The following ST8SIA1 variants were observed in gnomAD, a reference collection of about 807,000 sequenced individuals.
ST8SIA1 encodes the protein alpha-N-acetylneuraminide alpha-2,8-sialyltransferase.
Under a neutral mutation model 35.9 loss-of-function variants are expected in ST8SIA1, and 16 were observed. The observed-to-expected ratio is 0.45, with a 90% CI of 0.30 to 0.68. ST8SIA1 has a LOEUF of 0.68. Among genes scored for constraint, ST8SIA1 ranks in the 30% least tolerant of loss-of-function variants. The pLI is 0.09. For synonymous variants in ST8SIA1, 170 were observed against 169.6 expected (o/e 1.00, Z -0.02); for missense variants, 383 against 453.6 (o/e 0.84, Z 1.41).
intron 4 of ST8SIA1, among the ~76,000 whole-genome samples, chr12:22,235,600 T>C (rs913243116): frequency 6.6e-6 from 1 of 152,174 alleles, no homozygotes; most frequent in African/African-American, 2.4e-5. Flanking sequence ...TTGGCATATA[T>C]GGAATTGGTA....
At chr12:22,312,142 C>T (rs559730840) in intron 1 of ST8SIA1, among the ~76,000 whole-genome samples, 2 of 152,252 alleles carry the variant, frequency 1.3e-5, no homozygotes, top group East Asian at 3.9e-4. Flanking sequence ...CCTCCCTCTC[C>T]TCTAAATAAA....
chr12:22,320,949 GAAAGAAAGAGAAAGAAAGAAAGAAAGAA>G lies in ST8SIA1; in HGVS notation c.236+13020_236+13047del, dbSNP rs1186008825. Among the ~76,000 whole-genome samples, 6 of 73,768 alleles carry G rather than the reference GAAAGAAAGAGAAAGAAAGAAAGAAAGAA, an allele frequency of 8.1e-5. No individual in the cohort carries two copies. The South Asian group carries it at 2.0e-3, about 25-fold the overall frequency. 48.4% of individuals were successfully genotyped at this position (73,768 alleles called of 152,430 possible). A position where few individuals can be genotyped will look rare whatever the true frequency, so the allele number is the denominator to read the frequency against. ...AGGAAGAAAGAAAGAAAGAAAGAAA[GAAAGAAAGAGAAAGAAAGAAAGAAAGAA>G]AGAAAGAAAGAAAGAAAGAAAGAAA... is the stretch of plus-strand genomic sequence containing the variant. On this transcript the variant is annotated intron_variant, in intron 1 of 4. Coordinates refer to ENST00000396037, the MANE Select transcript of ST8SIA1 (RefSeq NM_003034.4).
chr12:22,223,470 T>C, intron 4 of ST8SIA1: 1 of 981,906 alleles, frequency 1.0e-6, no homozygotes. Flanking sequence ...GACTTCTTTA[T>C]AGCCGGGATT....
chr12:22,307,924 C>T (rs1018788718), intron 1 of ST8SIA1, among the ~76,000 whole-genome samples: 4 of 151,952 alleles, frequency 2.6e-5, no homozygotes, highest in African/African-American at 4.8e-5. Flanking sequence ...TTAAAACATA[C>T]GTGTATAAAA....
intron 1 of ST8SIA1, among the ~76,000 whole-genome samples, chr12:22,330,302 G>A (rs926959363): frequency 2.0e-5 from 3 of 152,138 alleles, no homozygotes; most frequent in African/African-American, 7.2e-5. Context: ...TAACAATCAC[G>A]TATTAAACAG....
chr12:22,278,081 A>G (rs1007763064), intron 2 of ST8SIA1, among the ~76,000 whole-genome samples: 1 of 152,174 alleles, frequency 6.6e-6, no homozygotes, highest in Non-Finnish European at 1.5e-5. Context: ...TCGAACACTT[A>G]TTTTACTTAC....
At chr12:22,325,923 T>G in intron 1 of ST8SIA1, 2 of 693,902 alleles carry the variant, frequency 2.9e-6, no homozygotes, top group Non-Finnish European at 5.2e-6. Flanking sequence ...GTGTCAACAG[T>G]GTGGAGACGC....
At chr12:22,249,792 A>T (rs1865648830) in intron 3 of ST8SIA1, among the ~76,000 whole-genome samples, 1 of 152,198 alleles carries the variant, frequency 6.6e-6, no homozygotes, top group Non-Finnish European at 1.5e-5. Flanking sequence ...ACAGTGTGAT[A>T]CACTAGAGGA....
chr12:22,297,820 T>C (rs1866265144), intron 1 of ST8SIA1, among the ~76,000 whole-genome samples: 1 of 152,136 alleles, frequency 6.6e-6, no homozygotes, highest in Non-Finnish European at 1.5e-5. Flanking sequence ...TCAAAAATGA[T>C]GTCTTTTTGT....
chr12:22,220,745 C>T (rs970223485), intron 4 of ST8SIA1, among the ~76,000 whole-genome samples: 1 of 152,302 alleles, frequency 6.6e-6, no homozygotes. Flanking sequence ...AGGATCCTCA[C>T]GGAAATAGTA....
chr12:22,198,567 A>ACACACACACACC lies in ST8SIA1; in HGVS notation c.*2984_*2985insGGTGTGTGTGTG. On this transcript the variant is annotated 3_prime_UTR_variant, in exon 5 of 5. Coordinates refer to ENST00000396037, the MANE Select transcript of ST8SIA1 (RefSeq NM_003034.4). ...CACACACACACACACACACACACACACTCCTATCTAACCAATTATGTCCAA... is the reference window on the plus strand; with the variant it reads ...CACACACACACACACACACACACACACACACACACACCCTCCTATCTAACCAATTATGTCCAA... The ACACACACACACC allele has an allele frequency of 7.0e-6, 1 of 143,328 alleles. No individual in the cohort carries two copies. Among genetic ancestry groups the ACACACACACACC allele is most frequent in the Non-Finnish European group, 1.5e-5 (1 of 65,330 alleles). 8.9% of individuals were successfully genotyped at this position (143,328 alleles called of 1,614,324 possible).
chr12:22,195,904 T>G lies in ST8SIA1; in HGVS notation c.*5648A>C, dbSNP rs1209904339. The G allele has an allele frequency of 6.6e-6, 1 of 152,248 alleles. No individual in the cohort carries two copies. The highest frequency in any genetic ancestry group is 1.5e-5 in the Non-Finnish European group (1 of 68,044). The allele number at this position is 152,248 out of a possible 1,614,324, so 9.4% of individuals were successfully genotyped here. On this transcript the variant is annotated 3_prime_UTR_variant, in exon 5 of 5. Transcript: ENST00000396037. The stretch of plus-strand genomic sequence containing the variant: ...CACATCTCTTAGATGTTTATTGGTG[T>G]TGTGTGAAGCATACATTTTAAAAAT...
chr12:22,296,150 A>T (rs1208191189), intron 1 of ST8SIA1, among the ~76,000 whole-genome samples: 1 of 152,182 alleles, frequency 6.6e-6, no homozygotes, highest in African/African-American at 2.4e-5. Flanking sequence ...GTATGCTGAA[A>T]GGCCATCAAG....
chr12:22,246,380 A>G (rs1206601371), intron 4 of ST8SIA1, among the ~76,000 whole-genome samples: 2 of 152,210 alleles, frequency 1.3e-5, no homozygotes, highest in Non-Finnish European at 2.9e-5. Context: ...TGTGCGACAC[A>G]TGGATTTTGG....
chr12:22,319,845 T>C (rs1866563959), intron 1 of ST8SIA1, among the ~76,000 whole-genome samples: 1 of 152,202 alleles, frequency 6.6e-6, no homozygotes, highest in Admixed American at 6.5e-5. Flanking sequence ...AGGAGGTGTG[T>C]TGATCTGACC....
chr12:22,215,581 A>T (rs925102493), intron 4 of ST8SIA1, among the ~76,000 whole-genome samples: 6 of 152,218 alleles, frequency 3.9e-5, no homozygotes, highest in African/African-American at 1.2e-4. Flanking sequence ...AAAGAAAGTT[A>T]GGGAGTCAGC....
chr12:22,201,497 A>G lies in ST8SIA1; in HGVS notation c.*55T>C. On this transcript the variant is annotated 3_prime_UTR_variant, in exon 5 of 5. Transcript: ENST00000396037. The stretch of plus-strand genomic sequence containing the variant: ...AACTTGACCATTCCCTCTTGGAGTC[A>G]CATAGAAAACCTAACAAAAATACCC... 6.5e-7 allele frequency: 1 copy of G among 1,528,874 alleles called. No individual in the cohort carries two copies. Among genetic ancestry groups the G allele is most frequent in the Non-Finnish European group, 8.8e-7 (1 of 1,142,416 alleles). 94.7% of individuals were successfully genotyped at this position (1,528,874 alleles called of 1,614,324 possible). A position where few individuals can be genotyped will look rare whatever the true frequency, so the allele number is the denominator to read the frequency against.
rs529012455 is a variant in ST8SIA1, at chr12:22,316,609, T to C, written c.236+17388A>G. On this transcript the variant is annotated intron_variant, in intron 1 of 4. Coordinates refer to ENST00000396037, the MANE Select transcript of ST8SIA1 (RefSeq NM_003034.4). ...GCTATAAAAGAAAAAACTGATGAGGTTGATTGCCTGATAATTTTTAAAGTC... is the reference window on the plus strand; with the variant it reads ...GCTATAAAAGAAAAAACTGATGAGGCTGATTGCCTGATAATTTTTAAAGTC... 1.6e-4 allele frequency among the ~76,000 whole-genome samples: 24 copies of C among 152,214 alleles called. No individual in the cohort carries two copies. In the South Asian group the frequency reaches 5.0e-3, roughly 32 times the overall value.
rs1186029285 is a variant in ST8SIA1 at position 22,289,175 on chromosome 12, C to CGT, written c.237-1883_237-1882insAC. Among the ~76,000 whole-genome samples the CGT allele has an allele frequency of 3.9e-5, 6 of 152,162 alleles. No individual in the cohort carries two copies. The East Asian group carries it at 9.6e-4, about 24-fold the overall frequency. On this transcript the variant is annotated intron_variant, in intron 1 of 4. Transcript: ENST00000396037. ...AAAATAAGGAGCATTATCACCAGCACGATGCTAAATCTGGGGGGAGGATAG... is the reference window on the plus strand; with the variant it reads ...AAAATAAGGAGCATTATCACCAGCACGTGATGCTAAATCTGGGGGGAGGATAG...
Sources: gnomAD v4.1 joint callset for allele counts (sites outside exome capture counted in the v4.1 genomes callset) on GRCh38, gnomAD v4.1.1 for gene constraint, MANE v1.5 for transcripts, NCBI Gene and HGNC (gene_info 2026-07-23, HGNC 2026-07-21) for gene names.